The following ATAD2 variants were observed in gnomAD, a reference collection of about 807,000 sequenced individuals.
ATAD2 encodes ATPase family AAA domain containing 2, also known as ATPase family AAA domain-containing protein 2.
A neutral mutation model predicts 168.9 loss-of-function variants in ATAD2; 62 were observed. The observed-to-expected ratio is 0.37, with a 90% CI of 0.30 to 0.45. The LOEUF is 0.45. ATAD2 is among the 20% of genes least tolerant of loss of function. ATAD2 has a pLI of 1.00. For synonymous variants in ATAD2, 613 were observed against 571.6 expected (o/e 1.07, Z -1.03); for missense variants, 1,419 against 1,667.8 (o/e 0.85, Z 2.60).
Position 123,324,121 on chromosome 8 carries a change from T to C in ATAD2, c.4003-1055A>G, listed in dbSNP as rs55849354. On this transcript the variant is annotated intron_variant, in intron 26 of 27. Transcript: ENST00000287394. The stretch of plus-strand genomic sequence containing the variant: ...TTTCAGTTCCACATATATTTTTTAA[T>C]AGAGTTTTTCAGAAAGACTACAGTT... Among the ~76,000 whole-genome samples, 1,274 of 152,274 alleles carry C rather than the reference T, an allele frequency of 8.4e-3. 5 individuals carry two copies. Among genetic ancestry groups the C allele is most frequent in the Middle Eastern group, 0.031 (9 of 294 alleles).
chr8:123,396,053 G>C, intron 1 of ATAD2, 134 bp downstream of exon 1: 2 of 1,062,218 alleles, frequency 1.9e-6, no homozygotes, highest in Non-Finnish European at 2.6e-6. Flanking sequence ...CATTTTACTC[G>C]TCCTCGACCA....
intron 1 of ATAD2, among the ~76,000 whole-genome samples, chr8:123,407,575 T>C (rs1813084233): frequency 6.7e-6 from 1 of 150,318 alleles, no homozygotes; most frequent in Non-Finnish European, 1.5e-5. Flanking sequence ...AATACAAAAA[T>C]TAGCTGGGTG....
intron 2 of ATAD2, among the ~76,000 whole-genome samples, chr8:123,374,202 A>C (rs1261840823): frequency 3.3e-5 from 5 of 152,102 alleles, no homozygotes; most frequent in Admixed American, 3.3e-4. Context: ...ACAAACAAGC[A>C]AACAAAACCA....
upstream of ATAD2, among the ~76,000 whole-genome samples, chr8:123,397,575 G>A (rs566396946): frequency 1.3e-5 from 2 of 152,132 alleles, no homozygotes; most frequent in African/African-American, 4.8e-5. Context: ...CGAAATAAAC[G>A]AAAGCTATTT....
At position 123,369,918 on chromosome 8, in the gene ATAD2, T is replaced by TTCATCATCATCA. The variant is rs113064839; in HGVS notation, c.822_833dup (p.Asp274_Asp277dup). 33 of 1,568,004 alleles carry TTCATCATCATCA rather than the reference T, an allele frequency of 2.1e-5. No homozygotes were observed. The African/African-American group carries it at 4.1e-4, about 19-fold the overall frequency. ...CTCCATCTTCTTCATCTTCATCATC[T>TTCATCATCATCA]TCATCATCATCATCATCATCATCAT... On this transcript the variant is annotated inframe_insertion, in exon 7 of 28. Transcript: ENST00000287394.
At chr8:123,338,479 T>C (rs1290729812) in intron 20 of ATAD2, among the ~76,000 whole-genome samples, 3 of 152,154 alleles carry the variant, frequency 2.0e-5, no homozygotes, top group Non-Finnish European at 4.4e-5. Flanking sequence ...TGAAAATGTG[T>C]AATATGTTTC....
chr8:123,377,286 T>C (rs1035856705), intron 2 of ATAD2, among the ~76,000 whole-genome samples: 2 of 151,436 alleles, frequency 1.3e-5, no homozygotes, highest in African/African-American at 4.8e-5. Context: ...AAAAAAAGAA[T>C]TAATAAAAAG....
intron 8 of ATAD2, among the ~76,000 whole-genome samples, chr8:123,361,927 A>C (rs1828838328): frequency 1.3e-5 from 2 of 152,156 alleles, no homozygotes; most frequent in African/African-American, 4.8e-5. Context: ...TCTTGATATA[A>C]ATCAGTTATT....
chr8:123,368,545 A>G (rs1214908958), intron 8 of ATAD2, among the ~76,000 whole-genome samples: 7 of 152,242 alleles, frequency 4.6e-5, no homozygotes, highest in Non-Finnish European at 8.8e-5. Context: ...TTGAATAGTC[A>G]AAGAAAATAA....
rs745385493 is a variant in ATAD2, at chr8:123,346,704, A to G, written c.2259T>C (p.Asp753=). The G allele has an allele frequency of 1.6e-5, 25 of 1,598,094 alleles. No homozygotes were observed. In the South Asian group the frequency reaches 2.7e-4, roughly 17 times the overall value. ...LLESDLAYSD[D]DVPSVYENGL... is the part of the protein sequence containing the mutation. ...CATTTTCATAAACTGATGGAACATC[A>G]TCATCACTGTAAGCCAAGTCACTTT... The change falls in exon 17 of 28, where the codon GAT becomes GAC. Residue 753 remains aspartate, a synonymous_variant. Coordinates refer to ENST00000287394, the MANE Select transcript of ATAD2 (RefSeq NM_014109.4).
intron 6 of ATAD2, among the ~76,000 whole-genome samples, chr8:123,370,502 T>G (rs1829120363): frequency 6.6e-6 from 1 of 152,148 alleles, no homozygotes; most frequent in Non-Finnish European, 1.5e-5. Context: ...ATGATTATGG[T>G]AAAACATGCT....
At chr8:123,406,816 CA>C (rs61473512) in intron 1 of ATAD2, among the ~76,000 whole-genome samples, 24,183 of 134,276 alleles carry the variant, frequency 0.18, 2,088 homozygotes, top group Non-Finnish European at 0.24. Context: ...GACCCTGTCT[CA>C]AAAAAAAAAA....
chr8:123,353,448 G>C (rs1390618968), intron 13 of ATAD2, among the ~76,000 whole-genome samples: 1 of 152,056 alleles, frequency 6.6e-6, no homozygotes, highest in African/African-American at 2.4e-5. Flanking sequence ...TTTTTTTTAG[G>C]TATTTGATAT....
upstream of ATAD2, among the ~76,000 whole-genome samples, chr8:123,396,818 G>A (rs1163085163): frequency 2.0e-5 from 3 of 152,092 alleles, no homozygotes; most frequent in Non-Finnish European, 2.9e-5. Flanking sequence ...CACCCCTGTT[G>A]ACACCTGCTT....
intron 8 of ATAD2, among the ~76,000 whole-genome samples, chr8:123,363,414 G>A (rs190951774): frequency 6.6e-6 from 1 of 152,292 alleles, no homozygotes; most frequent in African/African-American, 2.4e-5. Context: ...TATGTTGTGT[G>A]TTATCTGTAA....
chr8:123,362,331 G>A (rs958048622), intron 8 of ATAD2, among the ~76,000 whole-genome samples: 4 of 149,552 alleles, frequency 2.7e-5, no homozygotes, highest in Admixed American at 1.3e-4. Flanking sequence ...ATTTGGGACT[G>A]TAATTTGAAA....
upstream of ATAD2, among the ~76,000 whole-genome samples, chr8:123,397,347 G>A (rs1347664389): frequency 2.0e-5 from 3 of 151,768 alleles, no homozygotes; most frequent in Admixed American, 2.0e-4. Context: ...TACGTATCTC[G>A]GAATGTACAT....
chr8:123,386,934 T>C (rs1302751572), intron 1 of ATAD2, among the ~76,000 whole-genome samples: 2 of 149,308 alleles, frequency 1.3e-5, no homozygotes, highest in Admixed American at 1.3e-4. Flanking sequence ...AAAAATTATG[T>C]GGGAGTCCTC....
rs541093974 is a variant in ATAD2 at position 123,378,934 on chromosome 8, G to C, written c.320+1595C>G. Among the ~76,000 whole-genome samples, 9 of 151,732 alleles carry C rather than the reference G, an allele frequency of 5.9e-5. No homozygotes were observed. In the South Asian group the frequency reaches 1.7e-3, roughly 28 times the overall value. On this transcript the variant is annotated intron_variant, in intron 2 of 27. Coordinates refer to ENST00000287394, the MANE Select transcript of ATAD2 (RefSeq NM_014109.4). ...AGCCTCCACAGTAGCTGGGACTACA[G>C]GTGTGCGACACCATGCCCAGATAAT...
Sources: gnomAD v4.1 joint callset for allele counts (sites outside exome capture counted in the v4.1 genomes callset) on GRCh38, gnomAD v4.1.1 for gene constraint, MANE v1.5 for transcripts, NCBI Gene and HGNC (gene_info 2026-07-23, HGNC 2026-07-21) for gene names.